Variants in TNRC6B observed in about 807,000 individuals in gnomAD.
TNRC6B encodes trinucleotide repeat-containing gene 6B protein.
TNRC6B carries 52 observed loss-of-function variants against 203.6 expected under a neutral mutation model. That is an observed-to-expected ratio of 0.26 (90% CI 0.20 to 0.32). The LOEUF is 0.32. Ranked by LOEUF, TNRC6B falls within the 10% of genes least tolerant of loss-of-function variation. TNRC6B has a pLI of 1.00. For missense variants in TNRC6B, 1,923 were observed against 2,286.2 expected, an observed-to-expected ratio of 0.84 and a Z score of 3.24; for synonymous variants, 838 against 845.7, an observed-to-expected ratio of 0.99 and a Z score of 0.16.
chr22:40,065,651 G>A (rs2067889099), intron 1 of TNRC6B, among the ~76,000 whole-genome samples: 1 of 152,038 alleles, frequency 6.6e-6, no homozygotes, highest in East Asian at 1.9e-4. Flanking sequence ...ATTATTGGAT[G>A]GTGGATCTTT....
intron 15 of TNRC6B, among the ~76,000 whole-genome samples, chr22:40,303,897 A>G (rs987131575): frequency 1.3e-5 from 2 of 152,330 alleles, no homozygotes; most frequent in South Asian, 2.1e-4. Flanking sequence ...GCGACAGAGC[A>G]AGACTCCGTC....
chr22:40,306,271 G>A (rs1331885885), intron 15 of TNRC6B, among the ~76,000 whole-genome samples: 1 of 152,130 alleles, frequency 6.6e-6, no homozygotes, highest in Admixed American at 6.5e-5. Context: ...CAGCCTGGGC[G>A]ACAGAGCGAG....
intron 4 of TNRC6B, among the ~76,000 whole-genome samples, chr22:40,263,680 C>T: frequency 6.6e-6 from 1 of 152,172 alleles, no homozygotes; most frequent in East Asian, 1.9e-4. Flanking sequence ...ATGTTTTTCC[C>T]ACCAAATATG....
Position 40,265,903 on chromosome 22 carries a change from G to A in TNRC6B, c.1673G>A (p.Trp558Ter). 1 of 1,614,012 alleles carries A rather than the reference G, an allele frequency of 6.2e-7. No homozygotes were observed. The highest frequency in any genetic ancestry group is 8.5e-7 in the Non-Finnish European group (1 of 1,179,894). The change falls in exon 5 of 23, where the codon TGG becomes TAG. Residue 558 changes from tryptophan to a stop codon, truncating the protein, a stop_gained. Transcript: ENST00000454349. LOFTEE classifies it high-confidence loss of function. Reference sequence around the variant, plus strand: ...CAAGGCAATGCCCAGGCTCCCTGTTGGGGAAGATCTTCCAGCTCCACAGGA... The same window carrying A: ...CAAGGCAATGCCCAGGCTCCCTGTTAGGGAAGATCTTCCAGCTCCACAGGA... ...ENQGNAQAPC[W>*]GRSSSSTGSE...
chr22:40,201,558 C>T (rs1314909562), intron 1 of TNRC6B, among the ~76,000 whole-genome samples: 2 of 151,766 alleles, frequency 1.3e-5, no homozygotes, highest in African/African-American at 4.8e-5. Flanking sequence ...ACTTCAGCCT[C>T]CTGAGTAGCT....
intron 15 of TNRC6B, among the ~76,000 whole-genome samples, chr22:40,306,012 G>T (rs1184419285): frequency 6.6e-6 from 1 of 151,988 alleles, no homozygotes; most frequent in African/African-American, 2.4e-5. Context: ...TAATTCACTG[G>T]CTGGGCGCGG....
intron 1 of TNRC6B, among the ~76,000 whole-genome samples, chr22:40,068,309 T>G (rs892510310): frequency 2.6e-5 from 4 of 152,028 alleles, no homozygotes; most frequent in African/African-American, 9.7e-5. Context: ...CTTACGTGGT[T>G]TGTTCTTTTG....
intron 3 of TNRC6B, among the ~76,000 whole-genome samples, chr22:40,254,982 A>G (rs961856655): frequency 6.6e-6 from 1 of 152,334 alleles, no homozygotes; most frequent in East Asian, 1.9e-4. Context: ...AGGAACAGAG[A>G]GCAACCTCCA....
At chr22:40,282,458 T>C (rs2070730974) in intron 11 of TNRC6B, among the ~76,000 whole-genome samples, 1 of 152,218 alleles carries the variant, frequency 6.6e-6, no homozygotes, top group South Asian at 2.1e-4. Context: ...TTTATATAAA[T>C]GGAAGAAATT....
chr22:40,161,458 C>A (rs2068870997), intron 4 of TNRC6B, among the ~76,000 whole-genome samples: 1 of 152,146 alleles, frequency 6.6e-6, no homozygotes, highest in South Asian at 2.1e-4. Flanking sequence ...ATTAGCTGAT[C>A]TGTGCCACTT....
At chr22:40,158,678 T>C (rs998681374) in intron 4 of TNRC6B, among the ~76,000 whole-genome samples, 2 of 152,166 alleles carry the variant, frequency 1.3e-5, no homozygotes, top group African/African-American at 4.8e-5. Context: ...CTCCCTTGTT[T>C]TGTTTTCACA....
At chr22:40,159,262 C>T (rs561393024) in intron 4 of TNRC6B, among the ~76,000 whole-genome samples, 1 of 149,466 alleles carries the variant, frequency 6.7e-6, no homozygotes, top group East Asian at 2.0e-4. Context: ...CGCACCTGGC[C>T]GGAACTGAGT....
At chr22:40,202,542 CCTTTT>C (rs1207967488) in intron 1 of TNRC6B, among the ~76,000 whole-genome samples, 8 of 151,928 alleles carry the variant, frequency 5.3e-5, no homozygotes, top group Non-Finnish European at 1.2e-4. Flanking sequence ...AAGAGACAAC[CCTTTT>C]CTTTAAGATA....
At chr22:40,250,210 G>A (rs1204968718) in intron 2 of TNRC6B, among the ~76,000 whole-genome samples, 2 of 152,192 alleles carry the variant, frequency 1.3e-5, no homozygotes, top group Non-Finnish European at 2.9e-5. Context: ...CAAAAATTTA[G>A]TGTAACCACT....
At chr22:40,233,903 G>C (rs890318680) in intron 1 of TNRC6B, among the ~76,000 whole-genome samples, 1 of 152,154 alleles carries the variant, frequency 6.6e-6, no homozygotes, top group African/African-American at 2.4e-5. Context: ...GTTCTTGCCT[G>C]CACATGCACA....
intron 1 of TNRC6B, among the ~76,000 whole-genome samples, chr22:40,097,729 G>A (rs1223824146): frequency 6.7e-6 from 1 of 148,714 alleles, no homozygotes; most frequent in African/African-American, 2.5e-5. Context: ...ATTATACATT[G>A]TATACATTAT....
At chr22:40,159,408 G>T (rs1448795449) in intron 4 of TNRC6B, among the ~76,000 whole-genome samples, 1 of 151,092 alleles carries the variant, frequency 6.6e-6, no homozygotes, top group Non-Finnish European at 1.5e-5. Flanking sequence ...GGGAGGCTGA[G>T]GCGGGCAGAT....
intron 12 of TNRC6B, 85 bp downstream of exon 12, chr22:40,285,855 A>G (rs2070773159): frequency 6.6e-7 from 1 of 1,514,916 alleles, no homozygotes; most frequent in Admixed American, 2.0e-5. Context: ...GTGGGCATAA[A>G]AAGAATGATA....
chr22:40,138,302 G>C (rs1267233721), intron 3 of TNRC6B, among the ~76,000 whole-genome samples: 2 of 152,342 alleles, frequency 1.3e-5, no homozygotes, highest in Non-Finnish European at 2.9e-5. Context: ...GTCTCGCTCT[G>C]TTGCTCAGAC....
Sources: allele counts gnomAD v4.1 joint callset (sites outside exome capture counted in the v4.1 genomes callset), GRCh38; gene constraint gnomAD v4.1.1; transcripts MANE v1.5; gene names NCBI Gene and HGNC (gene_info 2026-07-23, HGNC 2026-07-21).